Variants in PLCG2 observed in about 807,000 individuals in gnomAD.
The protein encoded by PLCG2 is 1-phosphatidylinositol 4,5-bisphosphate phosphodiesterase gamma-2.
Under a neutral mutation model 175.6 loss-of-function variants are expected in PLCG2, and 69 were observed. That is an observed-to-expected ratio of 0.39 (90% CI 0.32 to 0.48). PLCG2 has a LOEUF of 0.48. Among genes scored for constraint, PLCG2 ranks in the 20% least tolerant of loss-of-function variants. The probability of loss-of-function intolerance (pLI) is 0.91; values close to 1 mark genes in which losing one functional copy is unlikely to be tolerated. For missense variants in PLCG2, 1,798 were observed against 1,650.9 expected (o/e 1.09, Z -1.54); for synonymous variants, 827 against 624.0 (o/e 1.33, Z -4.85).
intron 8 of PLCG2, among the ~76,000 whole-genome samples, chr16:81,882,636 T>A (rs1162382548): frequency 1.3e-5 from 2 of 152,072 alleles, no homozygotes. Context: ...CCCTCGCTCC[T>A]ACTCCTCTTT....
Position 81,927,008 on chromosome 16 carries a change from G to A in PLCG2, c.2418-74G>A, listed in dbSNP as rs564946735. ...CCCCATCAGAATTGAGCCAGCAGCC[G>A]GGTGCAGATGAGCAGTAGTGGGTAA... On this transcript the variant is annotated intron_variant, in intron 22 of 32. Transcript: ENST00000564138. 3,358 of 910,466 alleles carry A rather than the reference G, an allele frequency of 3.7e-3. 13 individuals carry two copies. The highest frequency in any genetic ancestry group is 3.9e-3 in the Non-Finnish European group (2,098 of 543,818). 56.4% of individuals were successfully genotyped at this position (910,466 alleles called of 1,614,324 possible).
In PLCG2 at chr16:81,854,522, A is replaced by G; in HGVS notation, c.272A>G (p.Lys91Arg). The change falls in exon 3 of 33, where the codon AAA (lysine) becomes AGA (arginine). Residue 91 changes from lysine to arginine, a missense_variant. Coordinates refer to ENST00000564138, the MANE Select transcript of PLCG2 (RefSeq NM_002661.5). ...DFERAKAVRQ[K>R]EDCCFTILYG... is the part of the protein sequence containing the mutation. ...GAGCGAGCAAAAGCAGTTCGCCAGA[A>G]AGAAGACTGCTGCTTCACCATCCTA... 7 of 1,613,950 alleles carry G rather than the reference A, an allele frequency of 4.3e-6. No homozygotes were observed. The highest frequency in any genetic ancestry group is 5.9e-6 in the Non-Finnish European group (7 of 1,179,794).
At chr16:81,875,229 G>C (rs1412445966) in intron 7 of PLCG2, among the ~76,000 whole-genome samples, 2 of 152,082 alleles carry the variant, frequency 1.3e-5, no homozygotes, top group African/African-American at 4.8e-5. Context: ...CTCCCAAGGT[G>C]CTGGGATTAC....
In PLCG2 at chr16:81,919,956, A is replaced by C. The variant is rs150745077; in HGVS notation, c.2235+292A>C. On this transcript the variant is annotated intron_variant, in intron 20 of 32. Coordinates refer to ENST00000564138, the MANE Select transcript of PLCG2 (RefSeq NM_002661.5). Reference sequence around the variant, plus strand: ...ATAAGAGGATACAGAGTGATGGGGAAGGGGTTGAAGTTTTCAGAGGGTGGT... The same window carrying C: ...ATAAGAGGATACAGAGTGATGGGGACGGGGTTGAAGTTTTCAGAGGGTGGT... Among the ~76,000 whole-genome samples, 1,029 of 152,294 alleles carry C rather than the reference A, an allele frequency of 6.8e-3. 2 individuals are homozygous for C. The highest frequency in any genetic ancestry group is 0.01 in the Non-Finnish European group (704 of 68,008).
intron 2 of PLCG2, among the ~76,000 whole-genome samples, chr16:81,850,760 T>C (rs1368952856): frequency 2.6e-5 from 4 of 152,208 alleles, no homozygotes; most frequent in Non-Finnish European, 5.9e-5. Flanking sequence ...CTTCCTGTGT[T>C]GCATATCTCA....
intron 9 of PLCG2, among the ~76,000 whole-genome samples, chr16:81,884,941 G>A (rs1908281004): frequency 6.6e-6 from 1 of 152,024 alleles, no homozygotes; most frequent in African/African-American, 2.4e-5. Context: ...AGGCTGGAGA[G>A]CAGTGGCATG....
At chr16:81,750,556 T>C (rs73604554) in intron 1 of PLCG2, among the ~76,000 whole-genome samples, 5,038 of 151,616 alleles carry the variant, frequency 0.033, 281 homozygotes, top group African/African-American at 0.12. Context: ...AGCTGAGTTA[T>C]GGAATCAACC....
intron 17 of PLCG2, among the ~76,000 whole-genome samples, chr16:81,909,632 G>T (rs1227983452): frequency 6.6e-6 from 1 of 152,204 alleles, no homozygotes. Flanking sequence ...GCCCAGGCTG[G>T]TTTTGAACTC....
intron 31 of PLCG2, among the ~76,000 whole-genome samples, chr16:81,949,701 G>C (rs1265647080): frequency 6.6e-6 from 1 of 152,208 alleles, no homozygotes; most frequent in Non-Finnish European, 1.5e-5. Context: ...ACATCTTACA[G>C]GATGATGACA....
At chr16:81,743,559 C>T (rs1909642117) in intron 1 of PLCG2, among the ~76,000 whole-genome samples, 1 of 152,144 alleles carries the variant, frequency 6.6e-6, no homozygotes. Context: ...TGAGGTTGGG[C>T]TCAGGAATGG....
At chr16:81,854,942 GC>G (rs1906606795) in intron 3 of PLCG2, among the ~76,000 whole-genome samples, 1 of 152,092 alleles carries the variant, frequency 6.6e-6, no homozygotes, top group African/African-American at 2.4e-5. Flanking sequence ...TGTACGCTGG[GC>G]TCATCCCTGT....
At chr16:81,835,433 CA>C (rs1567489597) in intron 2 of PLCG2, among the ~76,000 whole-genome samples, 1 of 151,660 alleles carries the variant, frequency 6.6e-6, no homozygotes, top group East Asian at 1.9e-4. Flanking sequence ...CCATCTCTAC[CA>C]AAAATACAAA....
intron 14 of PLCG2, 98 bp downstream of exon 14, chr16:81,900,878 C>T: frequency 1.8e-6 from 2 of 1,109,366 alleles, no homozygotes; most frequent in Non-Finnish European, 2.6e-6. Flanking sequence ...TCCTACTGGG[C>T]CTGCTCCAGG....
At chr16:81,900,229 G>A (rs1366290665) in intron 13 of PLCG2, among the ~76,000 whole-genome samples, 1 of 152,206 alleles carries the variant, frequency 6.6e-6, no homozygotes, top group Admixed American at 6.5e-5. Flanking sequence ...CAGCGTCCCT[G>A]TTGGTGACCC....
At position 81,910,411 on chromosome 16, in the gene PLCG2, C is replaced by T. The variant is rs527304973; in HGVS notation, c.1734-109C>T. ...CAGCCTCCTGTGTCTGTTCTAGGAG[C>T]AGAGGGAAGGTTGTGTGGCCACATG... On this transcript the variant is annotated intron_variant, in intron 17 of 32. Coordinates refer to ENST00000564138, the MANE Select transcript of PLCG2 (RefSeq NM_002661.5). 1.9e-4 allele frequency: 179 copies of T among 936,038 alleles called. No homozygotes were observed. The African/African-American group carries it at 2.6e-3, about 14-fold the overall frequency. The allele number at this position is 936,038 out of a possible 1,614,324, so 58.0% of individuals were successfully genotyped here.
Position 81,958,809 on chromosome 16 carries a change from A to C in PLCG2, c.*811A>C, listed in dbSNP as rs72829120. ...ACTGAACTGGCTGGGAGGCTGCTGG[A>C]ATGGCCCTTGGTCCACAGCTCTCCA... On this transcript the variant is annotated 3_prime_UTR_variant, in exon 33 of 33. Transcript: ENST00000564138. 0.026 allele frequency: 5,657 copies of C among 221,664 alleles called. 96 individuals carry two copies. The highest frequency in any genetic ancestry group is 0.051 in the Middle Eastern group (36 of 702). 13.7% of individuals were successfully genotyped at this position (221,664 alleles called of 1,614,324 possible).
At chr16:81,918,217 TC>T (rs1909922438) in intron 19 of PLCG2, among the ~76,000 whole-genome samples, 1 of 152,254 alleles carries the variant, frequency 6.6e-6, no homozygotes, top group Non-Finnish European at 1.5e-5. Flanking sequence ...ATCCCATTTA[TC>T]CACTTTCACT....
At chr16:81,754,337 C>T (rs1265805148) in intron 1 of PLCG2, among the ~76,000 whole-genome samples, 1 of 77,322 alleles carries the variant, frequency 1.3e-5, no homozygotes, top group Non-Finnish European at 2.6e-5. Context: ...ACCTCCTTCC[C>T]GCCCATCCCC....
intron 20 of PLCG2, among the ~76,000 whole-genome samples, chr16:81,920,913 G>C (rs1385365404): frequency 1.3e-5 from 2 of 152,190 alleles, no homozygotes; most frequent in Admixed American, 6.5e-5. Flanking sequence ...GGTCACTCCA[G>C]CACACCATCG....
Sources: gnomAD v4.1 joint callset for allele counts (sites outside exome capture counted in the v4.1 genomes callset) on GRCh38, gnomAD v4.1.1 for gene constraint, MANE v1.5 for transcripts, NCBI Gene and HGNC (gene_info 2026-07-23, HGNC 2026-07-21) for gene names.